DHX32: variants seen among roughly 807,000 people sequenced by gnomAD.
DHX32 encodes putative pre-mRNA-splicing factor ATP-dependent RNA helicase DHX32.
Under a neutral mutation model 70.0 loss-of-function variants are expected in DHX32, and 51 were observed. The observed-to-expected ratio is 0.73, with a 90% CI of 0.58 to 0.92. The LOEUF (loss-of-function observed/expected upper bound fraction) is 0.92. DHX32 is among the 40% of genes least tolerant of loss of function. DHX32 has a pLI of 0.00. For missense variants in DHX32, 762 were observed against 891.8 expected, an observed-to-expected ratio of 0.85 and a Z score of 1.85; for synonymous variants, 310 against 315.3, an observed-to-expected ratio of 0.98 and a Z score of 0.18.
intron 1 of DHX32, among the ~76,000 whole-genome samples, chr10:125,870,668 C>T (rs971105544): frequency 2.6e-5 from 4 of 151,948 alleles, no homozygotes; most frequent in African/African-American, 2.4e-5. Context: ...GAAACCCCAT[C>T]TCTATTAAAA....
At chr10:125,860,526 C>G (rs1280416217) in intron 2 of DHX32, among the ~76,000 whole-genome samples, 1 of 152,088 alleles carries the variant, frequency 6.6e-6, no homozygotes, top group Non-Finnish European at 1.5e-5. Context: ...AATAAGCAAA[C>G]AGAAGGATCT....
chr10:125,852,294 T>C lies in DHX32; in HGVS notation c.1350A>G (p.Pro450=). ...GLGHCDFMNR[P]APESLMQALE... ...GCTGACATGGGAGCATAAGGCTACCTGGTCTGTTCATGAAGTCACAGTGGC... is the reference window on the plus strand; with the variant it reads ...GCTGACATGGGAGCATAAGGCTACCCGGTCTGTTCATGAAGTCACAGTGGC... The change falls in exon 6 of 11, where the codon CCA becomes CCG. Residue 450 remains proline, a splice_region_variant and synonymous_variant. Coordinates refer to ENST00000284690, the MANE Select transcript of DHX32 (RefSeq NM_018180.3). The C allele has an allele frequency of 6.2e-7, 1 of 1,613,928 alleles. No individual in the cohort carries two copies. The highest frequency in any genetic ancestry group is 8.5e-7 in the Non-Finnish European group (1 of 1,179,920).
intron 8 of DHX32, among the ~76,000 whole-genome samples, chr10:125,840,000 A>G (rs1202244131): frequency 1.3e-5 from 2 of 152,174 alleles, no homozygotes; most frequent in Non-Finnish European, 2.9e-5. Context: ...TTGAAACACT[A>G]ACTCCCTGTT....
chr10:125,841,363 A>C (rs1854875103), intron 7 of DHX32: 1 of 1,613,996 alleles, frequency 6.2e-7, no homozygotes, highest in Admixed American at 1.7e-5. Context: ...AGAATAAATT[A>C]AAACATACAA....
Position 125,859,319 on chromosome 10 carries a change from C to T in DHX32, c.849+284G>A, listed in dbSNP as rs547944244. 2.6e-5 allele frequency among the ~76,000 whole-genome samples: 4 copies of T among 152,252 alleles called. No homozygotes were observed. In the South Asian group the frequency reaches 8.3e-4, roughly 32 times the overall value. ...AATTCACAGCAAGCATAAATAGAGC[C>T]AGCTGTGCCTTTGGGGCAGCCACTC... On this transcript the variant is annotated intron_variant, in intron 3 of 10. Transcript: ENST00000284690.
rs1854900223 is a variant in DHX32 at position 125,842,169 on chromosome 10, G to A, written c.1352-235C>T. 10 of 511,114 alleles carry A rather than the reference G, an allele frequency of 2.0e-5. 1 individual carries two copies. The South Asian group carries it at 3.1e-4, about 16-fold the overall frequency. 31.7% of individuals were successfully genotyped at this position (511,114 alleles called of 1,614,324 possible). A position where few individuals can be genotyped will look rare whatever the true frequency, so the allele number is the denominator to read the frequency against. Reference sequence around the variant, plus strand: ...TGCTCCGAGGAGGGTCCCAGCTGCAGTGTGCATGCGGGGGGAACCCAGGTG... The same window carrying A: ...TGCTCCGAGGAGGGTCCCAGCTGCAATGTGCATGCGGGGGGAACCCAGGTG... On this transcript the variant is annotated intron_variant, in intron 6 of 10. Coordinates refer to ENST00000284690, the MANE Select transcript of DHX32 (RefSeq NM_018180.3).
chr10:125,842,868 A>G, intron 6 of DHX32: 1 of 730,234 alleles, frequency 1.4e-6, no homozygotes, highest in Non-Finnish European at 1.7e-6. Flanking sequence ...GTGGTATTAT[A>G]TATGCTCAGT....
At chr10:125,876,691 C>T (rs1459552809) in intron 1 of DHX32, among the ~76,000 whole-genome samples, 2 of 152,132 alleles carry the variant, frequency 1.3e-5, no homozygotes, top group Admixed American at 1.3e-4. Flanking sequence ...GAATATATAA[C>T]CTGTGCTCTT....
intron 1 of DHX32, among the ~76,000 whole-genome samples, chr10:125,868,796 G>A (rs970099086): frequency 2.6e-5 from 4 of 152,126 alleles, no homozygotes; most frequent in African/African-American, 9.7e-5. Flanking sequence ...CTGAATGAAT[G>A]AGAATTATCC....
At chr10:125,843,919 C>T (rs531695242) in intron 6 of DHX32, among the ~76,000 whole-genome samples, 1 of 152,314 alleles carries the variant, frequency 6.6e-6, no homozygotes, top group South Asian at 2.1e-4. Context: ...AGGCTTTCAT[C>T]CTTACCTTGG....
chr10:125,884,628 G>A (rs1373615097), upstream of DHX32, among the ~76,000 whole-genome samples: 1 of 152,164 alleles, frequency 6.6e-6, no homozygotes, highest in East Asian at 1.9e-4. Context: ...GTAAGATGAA[G>A]CTATGTCTTA....
At chr10:125,886,096 G>A (rs2134077997), upstream of DHX32, among the ~76,000 whole-genome samples, 1 of 152,278 alleles carries the variant, frequency 6.6e-6, no homozygotes, top group Middle Eastern at 3.4e-3. Context: ...CTAGCCAGAC[G>A]GCTCCCCTGC....
At position 125,859,670 on chromosome 10, in the gene DHX32, C is replaced by T. The variant is rs370273918; in HGVS notation, c.782G>A (p.Arg261His). The T allele has an allele frequency of 5.2e-5, 84 of 1,612,652 alleles. No homozygotes were observed. The African/African-American group carries it at 6.3e-4, about 12-fold the overall frequency. Residue 261 changes from arginine (R) to histidine (H), a missense_variant, in exon 3 of 11, where the codon CGC (arginine) becomes CAC (histidine). Coordinates refer to ENST00000284690, the MANE Select transcript of DHX32 (RefSeq NM_018180.3). ...AQKDSFESIL[R>H]LIFEIHHSGE... Reference sequence around the variant, plus strand: ...CGAGTGGTGAATTTCAAAGATAAGGCGTAAAATAGACTCAAAAGAATCCTT... The same window carrying T: ...CGAGTGGTGAATTTCAAAGATAAGGTGTAAAATAGACTCAAAAGAATCCTT...
intron 1 of DHX32, among the ~76,000 whole-genome samples, chr10:125,877,743 A>C (rs1005068098): frequency 1.2e-4 from 19 of 152,164 alleles, no homozygotes; most frequent in African/African-American, 4.3e-4. Context: ...AACAACTTGA[A>C]AGCAACAATT....
In DHX32 at chr10:125,854,214, A is replaced by G; in HGVS notation, c.850-11T>C. ...GACTTTCTCAATATCCTAAAGAAAA[A>G]AAAACCCATGAAAATAAAATACAAT... is the stretch of plus-strand genomic sequence containing the variant. On this transcript the variant is annotated splice_polypyrimidine_tract_variant and intron_variant, in intron 3 of 10. Transcript: ENST00000284690. The G allele has an allele frequency of 6.4e-7, 1 of 1,568,704 alleles. No individual in the cohort carries two copies. The highest frequency in any genetic ancestry group is 8.6e-7 in the Non-Finnish European group (1 of 1,165,704).
At chr10:125,895,641 G>T (rs1200593830) in intron 1 of DHX32, among the ~76,000 whole-genome samples, 13 of 152,420 alleles carry the variant, frequency 8.5e-5, no homozygotes, top group Non-Finnish European at 1.8e-4. Context: ...GTGGGATAAT[G>T]TTACATTGTT....
chr10:125,842,135 T>A, intron 6 of DHX32: 1 of 696,608 alleles, frequency 1.4e-6, no homozygotes, highest in Non-Finnish European at 2.2e-6. Context: ...CCTGTGATTG[T>A]CCAGCTCATG....
intron 1 of DHX32, among the ~76,000 whole-genome samples, chr10:125,889,407 T>C (rs1376111772): frequency 6.6e-6 from 1 of 152,176 alleles, no homozygotes; most frequent in Non-Finnish European, 1.5e-5. Flanking sequence ...TATGAGTGAA[T>C]AATAACGTCT....
At chr10:125,864,093 C>G (rs1564829033) in intron 2 of DHX32, among the ~76,000 whole-genome samples, 1 of 152,138 alleles carries the variant, frequency 6.6e-6, no homozygotes, top group Non-Finnish European at 1.5e-5. Flanking sequence ...GCATGGAATA[C>G]CAGGAAGAAA....
Sources: allele counts gnomAD v4.1 joint callset (sites outside exome capture counted in the v4.1 genomes callset), GRCh38; gene constraint gnomAD v4.1.1; transcripts MANE v1.5; gene names NCBI Gene and HGNC (gene_info 2026-07-23, HGNC 2026-07-21).